The following CLSTN2 variants were observed in gnomAD, a reference collection of about 807,000 sequenced individuals.
CLSTN2 encodes calsyntenin 2.
Under a neutral mutation model 101.2 loss-of-function variants are expected in CLSTN2, and 48 were observed. The ratio of observed to expected loss-of-function variants is 0.47; its 90% CI spans 0.38 to 0.60. CLSTN2 has a LOEUF of 0.60. Ranked by LOEUF, CLSTN2 falls within the 20% of genes least tolerant of loss-of-function variation. The probability of loss-of-function intolerance (pLI) is 0.00; values close to 1 mark genes in which losing one functional copy is unlikely to be tolerated. For missense variants in CLSTN2, 1,160 were observed against 1,238.2 expected (o/e 0.94, Z 0.95); for synonymous variants, 481 against 463.6 (o/e 1.04, Z -0.48).
intron 4 of CLSTN2, among the ~76,000 whole-genome samples, chr3:140,418,531 T>TC (rs1185327499): frequency 2.1e-5 from 3 of 144,274 alleles, no homozygotes; most frequent in African/African-American, 7.9e-5. Context: ...TTTTTTTTTT[T>TC]TTCTGAGACG....
At chr3:139,945,278 C>T (rs937921310) in intron 1 of CLSTN2, among the ~76,000 whole-genome samples, 3 of 152,130 alleles carry the variant, frequency 2.0e-5, no homozygotes, top group East Asian at 1.9e-4. Flanking sequence ...AATCACTCAG[C>T]CCCTCTGGGT....
At chr3:139,973,442 G>A (rs1391981871) in intron 1 of CLSTN2, among the ~76,000 whole-genome samples, 3 of 152,148 alleles carry the variant, frequency 2.0e-5, no homozygotes, top group Admixed American at 1.3e-4. Context: ...GAATTTGTCT[G>A]ATCTAAAGAT....
chr3:140,051,877 G>A (rs1409030087), intron 1 of CLSTN2, among the ~76,000 whole-genome samples: 5 of 152,214 alleles, frequency 3.3e-5, no homozygotes, highest in Non-Finnish European at 2.9e-5. Flanking sequence ...AACAGATCAC[G>A]TGGCCCCCAC....
chr3:140,319,389 G>A (rs2087260481), intron 2 of CLSTN2, among the ~76,000 whole-genome samples: 1 of 152,178 alleles, frequency 6.6e-6, no homozygotes, highest in African/African-American at 2.4e-5. Context: ...GTGCCTCTTT[G>A]TTCTTGCCCA....
At chr3:140,473,787 T>G (rs1933909544) in intron 8 of CLSTN2, among the ~76,000 whole-genome samples, 2 of 152,088 alleles carry the variant, frequency 1.3e-5, no homozygotes, top group African/African-American at 4.8e-5. Flanking sequence ...AGACAGAGTC[T>G]TGCTTTGTTG....
chr3:139,936,475 G>A (rs1469387872), intron 1 of CLSTN2, among the ~76,000 whole-genome samples: 1 of 152,182 alleles, frequency 6.6e-6, no homozygotes, highest in Non-Finnish European at 1.5e-5. Context: ...TTTGGTTTGT[G>A]GACTGTGGCC....
chr3:140,522,878 C>T (rs180971), intron 8 of CLSTN2, among the ~76,000 whole-genome samples: 23,185 of 152,066 alleles, frequency 0.15, 2,113 homozygotes, highest in East Asian at 0.35. Flanking sequence ...TAATCATTTG[C>T]TGTGTTTGCT....
intron 2 of CLSTN2, among the ~76,000 whole-genome samples, chr3:140,283,975 A>G (rs1360527566): frequency 6.6e-6 from 1 of 152,154 alleles, no homozygotes; most frequent in Non-Finnish European, 1.5e-5. Context: ...AGAAGCTCCA[A>G]CTGTAAAGGA....
chr3:140,499,616 A>C (rs1934530220), intron 8 of CLSTN2, among the ~76,000 whole-genome samples: 1 of 152,196 alleles, frequency 6.6e-6, no homozygotes, highest in Admixed American at 6.5e-5. Flanking sequence ...AGCTCTGCTC[A>C]CTGACAGAAT....
chr3:140,525,396 G>A, intron 8 of CLSTN2, among the ~76,000 whole-genome samples: 1 of 152,148 alleles, frequency 6.6e-6, no homozygotes, highest in East Asian at 1.9e-4. Context: ...GAACTAGGAA[G>A]CACGTGAAAA....
At chr3:140,505,626 T>C (rs1934671632) in intron 8 of CLSTN2, 2 of 152,206 alleles carry the variant, frequency 1.3e-5, no homozygotes, top group Admixed American at 1.3e-4. Flanking sequence ...AATTGAATTA[T>C]TTAGGGAAGG....
chr3:139,979,170 C>T (rs918001691), intron 1 of CLSTN2, among the ~76,000 whole-genome samples: 2 of 152,114 alleles, frequency 1.3e-5, no homozygotes, highest in African/African-American at 4.8e-5. Context: ...AATACGTGAC[C>T]AGGATTCCAG....
At chr3:140,305,203 C>A (rs1176191968) in intron 2 of CLSTN2, among the ~76,000 whole-genome samples, 2 of 152,050 alleles carry the variant, frequency 1.3e-5, no homozygotes, top group Non-Finnish European at 2.9e-5. Flanking sequence ...TGTCACCACA[C>A]AAGACAGGGC....
intron 10 of CLSTN2, among the ~76,000 whole-genome samples, chr3:140,549,057 G>T (rs550505798): frequency 6.8e-6 from 1 of 146,002 alleles, no homozygotes; most frequent in Non-Finnish European, 1.5e-5. Context: ...CAGTCTTGAC[G>T]TACTGTTTGT....
chr3:140,455,998 C>T lies in CLSTN2; in HGVS notation c.974-3523C>T, dbSNP rs1933389347. The stretch of plus-strand genomic sequence containing the variant: ...CAGGGCATATGTCCTCAGTGTGCCC[C>T]TCTGTCAGAGCAGTGGCCTGTGTAG... On this transcript the variant is annotated intron_variant, in intron 6 of 16. Coordinates refer to ENST00000458420, the MANE Select transcript of CLSTN2 (RefSeq NM_022131.3). Among the ~76,000 whole-genome samples the T allele has an allele frequency of 4.6e-5, 7 of 152,172 alleles. 1 individual carries two copies. The highest frequency in any genetic ancestry group is 3.3e-4 in the Admixed American group (5 of 15,286).
chr3:140,008,105 A>G (rs1176875051), intron 1 of CLSTN2, among the ~76,000 whole-genome samples: 4 of 152,238 alleles, frequency 2.6e-5, no homozygotes, highest in African/African-American at 9.6e-5. Context: ...TTCATATTCC[A>G]GGGGGAATAA....
chr3:140,133,679 G>T (rs1560105037), intron 1 of CLSTN2, among the ~76,000 whole-genome samples: 1 of 152,162 alleles, frequency 6.6e-6, no homozygotes, highest in Admixed American at 6.5e-5. Flanking sequence ...AGGTAGTGTT[G>T]TTGGGAGGTC....
At chr3:140,014,459 T>TC (rs745331981) in intron 1 of CLSTN2, among the ~76,000 whole-genome samples, 10 of 152,114 alleles carry the variant, frequency 6.6e-5, no homozygotes, top group East Asian at 1.9e-4. Flanking sequence ...TCTTAAATAA[T>TC]CCACCCACCT....
chr3:140,164,313 T>C (rs1044310154), intron 1 of CLSTN2, among the ~76,000 whole-genome samples: 1 of 152,134 alleles, frequency 6.6e-6, no homozygotes, highest in Non-Finnish European at 1.5e-5. Flanking sequence ...AATGGATTAG[T>C]TGGGTTGTGG....
Sources: gnomAD v4.1 joint callset for allele counts (sites outside exome capture counted in the v4.1 genomes callset) on GRCh38, gnomAD v4.1.1 for gene constraint, MANE v1.5 for transcripts, NCBI Gene and HGNC (gene_info 2026-07-23, HGNC 2026-07-21) for gene names.